Variants in P2RX7 observed in about 807,000 individuals in gnomAD.
P2RX7 encodes the protein purinergic receptor P2X 7, also known as P2X purinoceptor 7.
In P2RX7, 62 loss-of-function variants were observed where a neutral mutation model predicts 71.6. The ratio of observed to expected loss-of-function variants is 0.87; its 90% confidence interval spans 0.71 to 1.07. P2RX7 has a LOEUF of 1.07. Ranked by LOEUF, P2RX7 falls within the 50% of genes least tolerant of loss-of-function variation. The pLI is 0.00. For synonymous variants in P2RX7, 299 were observed against 283.3 expected (o/e 1.06, Z -0.56); for missense variants, 686 against 748.5 (o/e 0.92, Z 0.97).
intron 11 of P2RX7, 91 bp downstream of exon 11, chr12:121,177,537 C>T (rs1469711935): frequency 8.0e-7 from 1 of 1,251,944 alleles, no homozygotes; most frequent in Non-Finnish European, 1.2e-6. Flanking sequence ...AAATCACAGG[C>T]TTCATCCTGT....
At position 121,167,482 on chromosome 12, in the gene P2RX7, C is replaced by A; in HGVS notation, c.745-6C>A. 4.3e-6 allele frequency: 7 copies of A among 1,613,894 alleles called. No homozygotes were observed. Among genetic ancestry groups the A allele is most frequent in the Non-Finnish European group, 5.9e-6 (7 of 1,179,920 alleles). ...CCATAGAGACTGTCCCTTGTTGATCCTTCAGGGCGGAATAATGGGCATTGA... is the reference window on the plus strand; with the variant it reads ...CCATAGAGACTGTCCCTTGTTGATCATTCAGGGCGGAATAATGGGCATTGA... On this transcript the variant is annotated splice_region_variant and splice_polypyrimidine_tract_variant and intron_variant, in intron 7 of 12. Coordinates refer to ENST00000328963, the MANE Select transcript of P2RX7 (RefSeq NM_002562.6).
chr12:121,151,361 G>A (rs781598207), intron 1 of P2RX7, among the ~76,000 whole-genome samples: 3 of 151,458 alleles, frequency 2.0e-5, no homozygotes, highest in East Asian at 3.9e-4. Flanking sequence ...CTCAGCCTCC[G>A]GAGTAGCTGG....
In P2RX7 at chr12:121,133,735, C is replaced by T. The variant is rs1026110505; in HGVS notation, c.125+640C>T. ...CTTCACCATCATTTCCAACACTGTT[C>T]CTCCTCCTTCCCACCCATCAATTTC... is the stretch of plus-strand genomic sequence containing the variant. On this transcript the variant is annotated intron_variant, in intron 1 of 12. Transcript: ENST00000328963. 3.3e-5 allele frequency among the ~76,000 whole-genome samples: 5 copies of T among 152,286 alleles called. No homozygotes were observed. In the South Asian group the frequency reaches 1.0e-3, roughly 32 times the overall value.
chr12:121,136,023 A>AAAAAAAAAATATATATATATATAT, intron 1 of P2RX7, among the ~76,000 whole-genome samples: 1 of 15,260 alleles, frequency 6.6e-5, no homozygotes, highest in African/African-American at 1.2e-4. Flanking sequence ...AAAAAAAAAA[A>AAAAAAAAAATATATATATATATAT]ATATATATAT....
chr12:121,161,102 A>G (rs1402945621), intron 4 of P2RX7, 128 bp downstream of exon 4: 2 of 769,388 alleles, frequency 2.6e-6, no homozygotes, highest in Admixed American at 3.6e-5. Context: ...ACCAAGCCAT[A>G]GGCGAGTCTG....
At chr12:121,133,610 G>C (rs1872891968) in intron 1 of P2RX7, among the ~76,000 whole-genome samples, 1 of 152,080 alleles carries the variant, frequency 6.6e-6, no homozygotes, top group Non-Finnish European at 1.5e-5. Flanking sequence ...CCATTTAAAG[G>C]GTACCATTTA....
At chr12:121,153,756 T>C (rs1877974965) in intron 1 of P2RX7, among the ~76,000 whole-genome samples, 2 of 151,918 alleles carry the variant, frequency 1.3e-5, no homozygotes, top group African/African-American at 2.4e-5. Context: ...TCTCCTACTG[T>C]TGTGACGATT....
At chr12:121,181,743 G>T (rs1884174657) in intron 12 of P2RX7, among the ~76,000 whole-genome samples, 1 of 152,068 alleles carries the variant, frequency 6.6e-6, no homozygotes, top group Admixed American at 6.6e-5. Context: ...TGTAGTCCCA[G>T]CCACTCAGGA....
intron 9 of P2RX7, 81 bp from the exon 10 acceptor site, chr12:121,177,066 A>C: frequency 1.6e-5 from 20 of 1,263,952 alleles, no homozygotes; most frequent in Non-Finnish European, 2.3e-5. Context: ...CCGCTCCCTG[A>C]TAGAACCAAC....
chr12:121,183,866 C>A (rs2686383), intron 12 of P2RX7, among the ~76,000 whole-genome samples: 2,142 of 152,204 alleles, frequency 0.014, 47 homozygotes, highest in African/African-American at 0.048. Context: ...AGTTCCAAAC[C>A]AGCCTGGCCA....
intron 8 of P2RX7, 82 bp from the exon 9 acceptor site, chr12:121,175,305 TG>T: frequency 1.7e-6 from 1 of 578,866 alleles, no homozygotes; most frequent in Middle Eastern, 3.3e-4. Context: ...CGTGAGACCC[TG>T]TCTCAAAAAA....
chr12:121,133,896 T>A (rs1466985179), intron 1 of P2RX7, among the ~76,000 whole-genome samples: 4 of 152,126 alleles, frequency 2.6e-5, no homozygotes, highest in African/African-American at 9.7e-5. Context: ...TCATTCAATT[T>A]TTTTTTTTAA....
At chr12:121,165,234 T>A in intron 5 of P2RX7, 123 bp from the exon 6 acceptor site, 3 of 713,190 alleles carry the variant, frequency 4.2e-6, no homozygotes, top group East Asian at 2.5e-5. Flanking sequence ...GTTTGCTGTA[T>A]CCATTTCTCT....
chr12:121,142,205 C>T (rs887231661), intron 1 of P2RX7, among the ~76,000 whole-genome samples: 1 of 152,208 alleles, frequency 6.6e-6, no homozygotes, highest in African/African-American at 2.4e-5. Flanking sequence ...AGGCCTAAAT[C>T]AAGGCGTCAG....
At chr12:121,136,023 AATATAT>A (rs1555222078) in intron 1 of P2RX7, among the ~76,000 whole-genome samples, 2 of 15,256 alleles carry the variant, frequency 1.3e-4, no homozygotes, top group Admixed American at 1.7e-3. Flanking sequence ...AAAAAAAAAA[AATATAT>A]ATATATATAT....
intron 9 of P2RX7, 148 bp from the exon 10 acceptor site, chr12:121,176,999 G>A (rs755140801): frequency 5.8e-6 from 4 of 685,216 alleles, no homozygotes; most frequent in Non-Finnish European, 1.0e-5. Context: ...TTCAGTCTGC[G>A]TAGTCTCTGC....
chr12:121,162,629 G>C (rs1879981538), intron 5 of P2RX7, 109 bp downstream of exon 5: 1 of 1,355,402 alleles, frequency 7.4e-7, no homozygotes, highest in Admixed American at 2.2e-5. Context: ...AAAGTCCTGG[G>C]TCCTACCGGC....
Position 121,133,024 on chromosome 12 carries a change from C to T in P2RX7, c.54C>T (p.Val18=), listed in dbSNP as rs1355348859. The T allele has an allele frequency of 6.2e-7, 1 of 1,614,056 alleles. No homozygotes were observed. The highest frequency in any genetic ancestry group is 8.5e-7 in the Non-Finnish European group (1 of 1,179,964). Residue 18 remains valine (V), a synonymous_variant, in exon 1 of 13, where the codon GTC becomes GTT. Coordinates refer to ENST00000328963, the MANE Select transcript of P2RX7 (RefSeq NM_002562.6). ...TTTTCCAGTATGAGACGAACAAAGT[C>T]ACTCGGATCCAGAGCATGAATTATG... The part of the protein sequence containing the change: ...SDVFQYETNK[V]TRIQSMNYGT...
Position 121,180,419 on chromosome 12 carries a change from G to C in P2RX7, c.1254G>C (p.Gly418=), listed in dbSNP as rs1353251359. 6.2e-7 allele frequency: 1 copy of C among 1,605,416 alleles called. No homozygotes were observed. The highest frequency in any genetic ancestry group is 8.5e-7 in the Non-Finnish European group (1 of 1,175,542). The part of the protein sequence containing the change: ...HIRMVNQQLL[G]RSLQDVKGQE... ...GGATGGTGAACCAGCAGCTACTAGGGAGAAGTCTGCAAGATGTCAAGGGCC... is the reference window on the plus strand; with the variant it reads ...GGATGGTGAACCAGCAGCTACTAGGCAGAAGTCTGCAAGATGTCAAGGGCC... Residue 418 remains glycine, a synonymous_variant, in exon 12 of 13, where the codon GGG becomes GGC. Transcript: ENST00000328963.
Sources: allele counts gnomAD v4.1 joint callset (sites outside exome capture counted in the v4.1 genomes callset), GRCh38; gene constraint gnomAD v4.1.1; transcripts MANE v1.5; gene names NCBI Gene and HGNC (gene_info 2026-07-23, HGNC 2026-07-21).